The following DST variants were observed in gnomAD, a reference collection of about 807,000 sequenced individuals.
The protein encoded by DST is bullous pemphigoid antigen.
DST carries 253 observed loss-of-function variants against 875.2 expected under a neutral mutation model. That is an observed-to-expected ratio of 0.29 (90% CI 0.26 to 0.32). DST has a LOEUF of 0.32. Among genes scored for constraint, DST ranks in the 10% least tolerant of loss-of-function variants. The probability of loss-of-function intolerance (pLI) is 1.00; values close to 1 mark genes in which losing one functional copy is unlikely to be tolerated. For missense variants in DST, 8,287 were observed against 9,111.6 expected (o/e 0.91, Z 3.68); for synonymous variants, 3,124 against 3,197.1 (o/e 0.98, Z 0.77).
intron 7 of DST, 85 bp from the exon 8 acceptor site, chr6:56,702,050 A>T: frequency 2.5e-6 from 2 of 813,016 alleles, no homozygotes. Flanking sequence ...GTTCATCTTA[A>T]TATATCAAAA....
intron 90 of DST, 37 bp from the exon 91 acceptor site, chr6:56,477,525 A>G: frequency 6.2e-7 from 1 of 1,612,442 alleles, no homozygotes; most frequent in South Asian, 1.1e-5. Context: ...AACTGTTGGC[A>G]TTGGCTGAAA....
rs960775328 is a variant in DST, at chr6:56,628,092, A to G, written c.4545T>C (p.Asp1515=). The G allele has an allele frequency of 2.5e-6, 4 of 1,613,686 alleles. No homozygotes were observed. The highest frequency in any genetic ancestry group is 3.4e-6 in the Non-Finnish European group (4 of 1,179,704). Residue 1515 remains aspartate, a synonymous_variant, in exon 33 of 104, where the codon GAT becomes GAC. Transcript: ENST00000680361. The part of the protein sequence containing the change: ...YYRDTYHPLD[D]WIQQVETTQR... ...GAGTAGTTTCAACCTGCTGGATCCA[A>G]TCATCTAAAGGATGGTAAGTGTCTC...
At chr6:56,643,072 G>T (rs1340968450) in intron 15 of DST, 4 of 508,158 alleles carry the variant, frequency 7.9e-6, no homozygotes, top group African/African-American at 7.8e-5. Context: ...GGCAGATTGG[G>T]CGTCACTGGA....
chr6:56,610,749 T>C (rs930240441), intron 38 of DST, among the ~76,000 whole-genome samples, 187 bp from the exon 39 acceptor site: 2 of 152,190 alleles, frequency 1.3e-5, no homozygotes, highest in Non-Finnish European at 2.9e-5. Context: ...GATCTTTCCC[T>C]TGCCTGAGAA....
At position 56,591,557 on chromosome 6, in the gene DST, A is replaced by G. The variant is rs577805281; in HGVS notation, c.12903+625T>C. The stretch of plus-strand genomic sequence containing the variant: ...TTGTGGAGCTTAATTCTAATGGAGG[A>G]AAAAACAGTGAACAAGATAAGTAAG... On this transcript the variant is annotated intron_variant, in intron 49 of 103. Coordinates refer to ENST00000680361, the MANE Select transcript of DST (RefSeq NM_001374736.1). Among the ~76,000 whole-genome samples, 9 of 152,320 alleles carry G rather than the reference A, an allele frequency of 5.9e-5. No homozygotes were observed. In the South Asian group the frequency reaches 1.9e-3, roughly 32 times the overall value.
intron 34 of DST, among the ~76,000 whole-genome samples, chr6:56,625,737 T>TAAAAAAACAAAAAAAAA (rs2098727322): frequency 7.1e-6 from 1 of 140,352 alleles, no homozygotes; most frequent in African/African-American, 2.6e-5. Context: ...CCTACTTATT[T>TAAAAAAACAAAAAAAAA]AAAAAAAAAA....
intron 57 of DST, among the ~76,000 whole-genome samples, chr6:56,560,796 G>A (rs1215838797): frequency 1.3e-5 from 2 of 152,266 alleles, no homozygotes; most frequent in South Asian, 2.1e-4. Context: ...GAATCTACAT[G>A]TGAATAAACA....
chr6:56,526,337 AAAC>A (rs776655796), intron 69 of DST, 21 bp downstream of exon 69: 46 of 1,611,326 alleles, frequency 2.9e-5, no homozygotes, highest in Non-Finnish European at 3.7e-5. Context: ...TTTATTGCCT[AAAC>A]AACAAACCAT....
At chr6:56,652,672 T>C (rs2098983379) in intron 10 of DST, among the ~76,000 whole-genome samples, 1 of 152,152 alleles carries the variant, frequency 6.6e-6, no homozygotes, top group Non-Finnish European at 1.5e-5. Context: ...TTCAAGAAAA[T>C]CTTATACTTT....
At chr6:56,952,030 C>T (rs1423974590) in intron 2 of DST, among the ~76,000 whole-genome samples, 2 of 152,118 alleles carry the variant, frequency 1.3e-5, no homozygotes, top group Non-Finnish European at 2.9e-5. Flanking sequence ...ATACAAGGCA[C>T]TGAGCCAAAT....
chr6:56,689,937 G>C (rs989396810), intron 9 of DST, among the ~76,000 whole-genome samples: 14 of 152,138 alleles, frequency 9.2e-5, no homozygotes, highest in African/African-American at 3.4e-4. Context: ...TTGTCACAAG[G>C]TACAAGGTGA....
intron 2 of DST, among the ~76,000 whole-genome samples, chr6:56,924,001 G>A (rs1352262590): frequency 1.3e-5 from 2 of 152,154 alleles, no homozygotes; most frequent in East Asian, 3.8e-4. Context: ...GTACATGCCT[G>A]TAGTCACAGC....
intron 38 of DST, among the ~76,000 whole-genome samples, 165 bp downstream of exon 38, chr6:56,611,343 A>AC (rs2098542766): frequency 6.6e-6 from 1 of 151,108 alleles, no homozygotes; most frequent in African/African-American, 2.4e-5. Flanking sequence ...ACTAAAATTG[A>AC]CAATTAAATT....
chr6:56,750,454 C>T (rs547812343), intron 4 of DST, among the ~76,000 whole-genome samples: 6 of 152,138 alleles, frequency 3.9e-5, no homozygotes, highest in Admixed American at 3.9e-4. Flanking sequence ...GATCTCCTTA[C>T]AGACATTTTA....
At chr6:56,778,576 T>C (rs1348556299) in intron 4 of DST, among the ~76,000 whole-genome samples, 1 of 131,120 alleles carries the variant, frequency 7.6e-6, no homozygotes, top group African/African-American at 2.8e-5. Context: ...ATGTTCCCCT[T>C]CCTGTGTCCA....
intron 4 of DST, among the ~76,000 whole-genome samples, chr6:56,798,140 G>A (rs1339893838): frequency 6.6e-6 from 1 of 152,218 alleles, no homozygotes; most frequent in Non-Finnish European, 1.5e-5. Context: ...AATCATTGAT[G>A]AAGGTGAATC....
At chr6:56,786,491 T>G (rs1437484959) in intron 4 of DST, among the ~76,000 whole-genome samples, 1 of 152,202 alleles carries the variant, frequency 6.6e-6, no homozygotes, top group East Asian at 1.9e-4. Flanking sequence ...TCCTTTGATA[T>G]CATGCCCCTA....
Position 56,606,720 on chromosome 6 carries a change from C to T in DST, c.7908G>A (p.Leu2636=). ...LLLDGDDRDC[L]HPEDYDTLQE... is the part of the protein sequence containing the mutation. ...GCAGTGTGTCGTAGTCCTCAGGGTG[C>T]AGGCAATCACGATCATCACCATCAA... The change falls in exon 40 of 104, where the codon CTG becomes CTA. Residue 2636 remains leucine, a synonymous_variant. Transcript: ENST00000680361. The T allele has an allele frequency of 6.2e-7, 1 of 1,613,456 alleles. No homozygotes were observed. The highest frequency in any genetic ancestry group is 8.5e-7 in the Non-Finnish European group (1 of 1,179,600).
chr6:56,913,405 C>T (rs1799555969), intron 2 of DST, among the ~76,000 whole-genome samples: 1 of 152,162 alleles, frequency 6.6e-6, no homozygotes, highest in Non-Finnish European at 1.5e-5. Context: ...GTGCTCTCCA[C>T]CAAAGGTCAG....
Sources: allele counts gnomAD v4.1 joint callset (sites outside exome capture counted in the v4.1 genomes callset), GRCh38; gene constraint gnomAD v4.1.1; transcripts MANE v1.5; gene names NCBI Gene and HGNC (gene_info 2026-07-23, HGNC 2026-07-21).